The following RORA variants were observed in gnomAD, a reference collection of about 807,000 sequenced individuals.
RORA encodes nuclear receptor ROR-alpha.
A neutral mutation model predicts 69.5 loss-of-function variants in RORA; 7 were observed. The ratio of observed to expected loss-of-function variants is 0.10; its 90% CI spans 0.06 to 0.19. The LOEUF (loss-of-function observed/expected upper bound fraction) is 0.19. RORA is among the 10% of genes least tolerant of loss of function. RORA has a pLI of 1.00. For synonymous variants in RORA, 261 were observed against 240.8 expected, an observed-to-expected ratio of 1.08 and a Z score of -0.78; for missense variants, 457 against 663.0, an observed-to-expected ratio of 0.69 and a Z score of 3.41.
chr15:60,808,466 A>G (rs2072690380), intron 1 of RORA, among the ~76,000 whole-genome samples: 1 of 152,138 alleles, frequency 6.6e-6, no homozygotes, highest in East Asian at 1.9e-4. Flanking sequence ...GCTGGTGGGA[A>G]TGTAAACTAG....
chr15:61,006,243 A>C (rs1338582624), intron 1 of RORA, among the ~76,000 whole-genome samples: 1 of 151,956 alleles, frequency 6.6e-6, no homozygotes, highest in African/African-American at 2.4e-5. Context: ...CTGGGATTAC[A>C]GGCATGAGCC....
chr15:60,651,135 G>C (rs1218179850), intron 2 of RORA, among the ~76,000 whole-genome samples: 1 of 152,136 alleles, frequency 6.6e-6, no homozygotes, highest in African/African-American at 2.4e-5. Flanking sequence ...GTGAGGCAGA[G>C]GAAATATTAT....
At chr15:60,886,811 G>C (rs2073755678) in intron 1 of RORA, among the ~76,000 whole-genome samples, 1 of 152,180 alleles carries the variant, frequency 6.6e-6, no homozygotes, top group African/African-American at 2.4e-5. Context: ...CTTCTTCCTA[G>C]ACAACTGAGT....
rs183599007 is a variant in RORA, at chr15:60,555,376, C to T, written c.197-23525G>A. Among the ~76,000 whole-genome samples the T allele has an allele frequency of 1.6e-4, 25 of 152,134 alleles. No individual in the cohort carries two copies. The East Asian group carries it at 2.1e-3, about 13-fold the overall frequency. Reference sequence around the variant, plus strand: ...GGTAGGAGAGGGAGTGGGGCACTCTCGACATATATTGGTTTCAAGGAGCAA... The same window carrying T: ...GGTAGGAGAGGGAGTGGGGCACTCTTGACATATATTGGTTTCAAGGAGCAA... On this transcript the variant is annotated intron_variant, in intron 2 of 10. Transcript: ENST00000335670.
At chr15:60,513,828 AG>A (rs2065779499) in intron 4 of RORA, among the ~76,000 whole-genome samples, 1 of 152,236 alleles carries the variant, frequency 6.6e-6, no homozygotes. Flanking sequence ...ATTTTTCCAC[AG>A]GCTGAAATTC....
intron 1 of RORA, among the ~76,000 whole-genome samples, chr15:60,945,370 C>A (rs1892839634): frequency 6.6e-6 from 1 of 152,150 alleles, no homozygotes; most frequent in Non-Finnish European, 1.5e-5. Context: ...GTGGTGCCAA[C>A]TGGCCAGCAT....
intron 1 of RORA, among the ~76,000 whole-genome samples, chr15:60,924,758 T>C (rs931107600): frequency 6.6e-6 from 1 of 152,128 alleles, no homozygotes; most frequent in African/African-American, 2.4e-5. Context: ...TGATTATTGA[T>C]AGGACACATT....
intron 1 of RORA, among the ~76,000 whole-genome samples, chr15:60,895,242 G>C (rs1035175938): frequency 6.6e-6 from 1 of 152,108 alleles, no homozygotes; most frequent in Non-Finnish European, 1.5e-5. Flanking sequence ...ACAATCCAAA[G>C]GTTCCTGAAT....
At chr15:60,559,230 A>G (rs937204623) in intron 2 of RORA, among the ~76,000 whole-genome samples, 1 of 152,134 alleles carries the variant, frequency 6.6e-6, no homozygotes, top group Non-Finnish European at 1.5e-5. Context: ...GCCTTCTAAG[A>G]TTTATATGAC....
At chr15:60,667,922 C>G (rs2070403431) in intron 2 of RORA, among the ~76,000 whole-genome samples, 1 of 152,034 alleles carries the variant, frequency 6.6e-6, no homozygotes, top group African/African-American at 2.4e-5. Flanking sequence ...TGCACCCAGC[C>G]CAAAGAGTAT....
chr15:60,855,677 G>A (rs565492440), intron 1 of RORA, among the ~76,000 whole-genome samples: 86 of 152,186 alleles, frequency 5.7e-4, no homozygotes, highest in African/African-American at 2.0e-3. Context: ...GGATTTTGCG[G>A]TGGTGCAATC....
intron 1 of RORA, among the ~76,000 whole-genome samples, chr15:60,776,385 G>A (rs955210069): frequency 3.3e-5 from 5 of 152,164 alleles, no homozygotes; most frequent in South Asian, 4.1e-4. Context: ...TAAAACAGGC[G>A]GAACTCTGTC....
At chr15:60,563,507 C>T (rs775260329) in intron 2 of RORA, among the ~76,000 whole-genome samples, 1 of 152,158 alleles carries the variant, frequency 6.6e-6, no homozygotes, top group Non-Finnish European at 1.5e-5. Flanking sequence ...TTTTAGTCAT[C>T]AAGAACACTT....
In RORA at chr15:60,833,005, T is replaced by C. The variant is rs373938934; in HGVS notation, c.167-154319A>G. On this transcript the variant is annotated intron_variant, in intron 1 of 10. Coordinates refer to ENST00000335670, the MANE Select transcript of RORA (RefSeq NM_134261.3). Reference sequence around the variant, plus strand: ...CTGCAAGCTCCGCCTCCCAGGTTCATGCCATTCTCCTGCCTCAGCCTCCTG... The same window carrying C: ...CTGCAAGCTCCGCCTCCCAGGTTCACGCCATTCTCCTGCCTCAGCCTCCTG... Among the ~76,000 whole-genome samples the C allele has an allele frequency of 3.0e-3, 451 of 150,042 alleles. 2 individuals are homozygous for C. Among genetic ancestry groups the C allele is most frequent in the East Asian group, 0.029 (143 of 4,994 alleles).
intron 1 of RORA, among the ~76,000 whole-genome samples, chr15:60,804,064 G>A (rs935992516): frequency 1.3e-5 from 2 of 151,954 alleles, no homozygotes; most frequent in African/African-American, 2.4e-5. Flanking sequence ...CCAAGGTGGC[G>A]GATCACCTGA....
At chr15:60,830,949 G>A (rs1432495856) in intron 1 of RORA, among the ~76,000 whole-genome samples, 1 of 152,144 alleles carries the variant, frequency 6.6e-6, no homozygotes, top group Non-Finnish European at 1.5e-5. Context: ...GCATGCACGT[G>A]TGTGTGTGTA....
intron 1 of RORA, among the ~76,000 whole-genome samples, chr15:60,963,424 T>A (rs1374125336): frequency 2.0e-5 from 3 of 152,068 alleles, no homozygotes; most frequent in African/African-American, 7.2e-5. Flanking sequence ...GAAGCAATGG[T>A]TGAAAAGGGC....
intron 1 of RORA, among the ~76,000 whole-genome samples, chr15:60,882,697 T>A (rs1595789310): frequency 6.6e-6 from 1 of 151,612 alleles, no homozygotes; most frequent in Non-Finnish European, 1.5e-5. Flanking sequence ...TCTAGAAGGA[T>A]ACACACCTAG....
intron 1 of RORA, among the ~76,000 whole-genome samples, chr15:61,168,849 G>A (rs1226508914): frequency 2.0e-5 from 3 of 152,094 alleles, no homozygotes; most frequent in African/African-American, 4.8e-5. Flanking sequence ...AGCTGCATGG[G>A]TGTAATGCTT....
Sources: gnomAD v4.1 joint callset for allele counts (sites outside exome capture counted in the v4.1 genomes callset) on GRCh38, gnomAD v4.1.1 for gene constraint, MANE v1.5 for transcripts, NCBI Gene and HGNC (gene_info 2026-07-23, HGNC 2026-07-21) for gene names.